PLS3: variants seen among roughly 807,000 people sequenced by gnomAD.
The protein encoded by PLS3 is plastin-3.
A neutral mutation model predicts 46.5 loss-of-function variants in PLS3; 11 were observed. The observed-to-expected ratio is 0.24, with a 90% CI of 0.15 to 0.39. The LOEUF is 0.39. PLS3 is among the 10% of genes least tolerant of loss of function. PLS3 has a pLI of 1.00. For missense variants in PLS3, 308 were observed against 461.8 expected, an observed-to-expected ratio of 0.67 and a Z score of 3.05; for synonymous variants, 167 against 162.2, an observed-to-expected ratio of 1.03 and a Z score of -0.22.
Position 115,629,945 on chromosome X carries a change from G to A in PLS3, c.478G>A (p.Val160Ile), listed in dbSNP as rs1457798192. 3.5e-5 allele frequency: 41 copies of A among 1,169,910 alleles called. No homozygotes were observed. Among genetic ancestry groups the A allele is most frequent in the Non-Finnish European group, 4.1e-5 (36 of 872,917 alleles). ...NPNTDDLFKAVGDGIVLCKMI... is the reference protein window; with the variant it reads ...NPNTDDLFKAIGDGIVLCKMI... ...TAACACCGATGACCTGTTCAAAGCTGTTGGTGATGGAATTGTGCTTTGGTA... is the reference window on the plus strand; with the variant it reads ...TAACACCGATGACCTGTTCAAAGCTATTGGTGATGGAATTGTGCTTTGGTA... Residue 160 changes from valine (V) to isoleucine (I), a missense_variant, in exon 5 of 16, where the codon GTT becomes ATT. Val to Ile is a conservative substitution (Grantham distance 29). Coordinates refer to ENST00000355899, the MANE Select transcript of PLS3 (RefSeq NM_005032.7).
intron 1 of PLS3, among the ~76,000 whole-genome samples, chrX:115,572,487 G>T (rs782144958): frequency 3.6e-5 from 4 of 111,478 alleles, no homozygotes; most frequent in Non-Finnish European, 7.5e-5. Flanking sequence ...ATAAAAGAAG[G>T]CTTATAGACC....
intron 1 of PLS3, among the ~76,000 whole-genome samples, chrX:115,601,462 A>C (rs1478934627): frequency 5.5e-5 from 1 of 18,326 alleles, no homozygotes; most frequent in Admixed American, 4.7e-4. Flanking sequence ...CAGATCTGAT[A>C]AAAAAAAAAA....
intron 2 of PLS3, among the ~76,000 whole-genome samples, chrX:115,617,708 T>G (rs1556637012): frequency 8.9e-6 from 1 of 112,024 alleles, no homozygotes; most frequent in Non-Finnish European, 1.9e-5. Flanking sequence ...CCTTTAAAAT[T>G]TTCCTGTCCC....
chrX:115,569,982 G>A (rs1028637579), intron 1 of PLS3, among the ~76,000 whole-genome samples: 2 of 111,422 alleles, frequency 1.8e-5, no homozygotes, highest in Non-Finnish European at 3.8e-5. Context: ...TGTCGCCCAG[G>A]CTGGAGTACA....
At chrX:115,608,983 C>T (rs782133628) in intron 1 of PLS3, among the ~76,000 whole-genome samples, 5 of 109,599 alleles carry the variant, frequency 4.6e-5, no homozygotes, top group African/African-American at 1.7e-4. Flanking sequence ...ACCTGTAATC[C>T]CAGCATTTTG....
intron 1 of PLS3, among the ~76,000 whole-genome samples, chrX:115,562,932 C>A (rs1231766900): frequency 9.0e-6 from 1 of 111,126 alleles, no homozygotes; most frequent in African/African-American, 3.3e-5. Context: ...ATTTGGTGCT[C>A]AGCTTTTATC....
chrX:115,580,941 G>T (rs1556631755), intron 1 of PLS3, among the ~76,000 whole-genome samples: 1 of 110,258 alleles, frequency 9.1e-6, no homozygotes, highest in Non-Finnish European at 1.9e-5. Flanking sequence ...CCACTATGTT[G>T]CCCAGGCTGG....
At chrX:115,632,541 C>T (rs1284490529) in intron 5 of PLS3, among the ~76,000 whole-genome samples, 1 of 111,315 alleles carries the variant, frequency 9.0e-6, no homozygotes, top group Non-Finnish European at 1.9e-5. Flanking sequence ...CCTAATGAGT[C>T]ACAGACTATA....
intron 2 of PLS3, among the ~76,000 whole-genome samples, chrX:115,610,642 A>T (rs181747021): frequency 9.1e-6 from 1 of 110,025 alleles, no homozygotes; most frequent in Non-Finnish European, 1.9e-5. Context: ...AGTTATTATT[A>T]TATTTTGTAT....
intron 8 of PLS3, among the ~76,000 whole-genome samples, chrX:115,638,843 G>A (rs2074865296): frequency 9.1e-6 from 1 of 109,360 alleles, no homozygotes; most frequent in Non-Finnish European, 1.9e-5. Context: ...CTCCTGAGTA[G>A]CTAGGACTAC....
intron 1 of PLS3, among the ~76,000 whole-genome samples, chrX:115,585,559 T>G (rs1399762820): frequency 9.1e-6 from 1 of 109,612 alleles, no homozygotes; most frequent in Non-Finnish European, 1.9e-5. Flanking sequence ...CCCAGCTAAT[T>G]TTTTGTATTT....
chrX:115,574,738 C>T (rs1215114718), intron 1 of PLS3, among the ~76,000 whole-genome samples: 1 of 111,464 alleles, frequency 9.0e-6, no homozygotes, highest in Non-Finnish European at 1.9e-5. Context: ...TGCCACCACA[C>T]CTGGCTAATT....
intron 1 of PLS3, among the ~76,000 whole-genome samples, chrX:115,583,311 T>C (rs1286124655): frequency 8.9e-6 from 1 of 112,560 alleles, no homozygotes; most frequent in East Asian, 2.8e-4. Flanking sequence ...TCAAAAGAAG[T>C]ATAAAGCAGG....
At chrX:115,599,890 A>G (rs1446502535) in intron 1 of PLS3, among the ~76,000 whole-genome samples, 1 of 110,720 alleles carries the variant, frequency 9.0e-6, no homozygotes, top group Non-Finnish European at 1.9e-5. Flanking sequence ...TCGGCCTCGC[A>G]AAGTGCTGAG....
Position 115,649,675 on chromosome X carries a change from C to A in PLS3, c.*114C>A. On this transcript the variant is annotated 3_prime_UTR_variant, in exon 16 of 16. Transcript: ENST00000355899. ...ACTCTTGGCCATTCAAAGGACTTTT[C>A]ATTTTGATTAACAGGACTAGCTTAT... The A allele has an allele frequency of 3.1e-6, 2 of 655,043 alleles. No homozygotes were observed. The highest frequency in any genetic ancestry group is 4.5e-6 in the Non-Finnish European group (2 of 441,751). 54.0% of individuals were successfully genotyped at this position (655,043 alleles called of 1,213,427 possible).
At chrX:115,622,095 C>T in intron 2 of PLS3, 151 bp from the exon 3 acceptor site, 1 of 453,537 alleles carries the variant, frequency 2.2e-6, no homozygotes. Context: ...TTTAAATGTC[C>T]ATTTCCCTTT....
chrX:115,636,202 TGAC>T (rs1329114154), intron 7 of PLS3, among the ~76,000 whole-genome samples: 2 of 100,537 alleles, frequency 2.0e-5, no homozygotes, highest in Admixed American at 2.2e-4. Context: ...CCCAAATCCC[TGAC>T]TTTTTTTTTT....
At position 115,646,174 on chromosome X, in the gene PLS3, C is replaced by A; in HGVS notation, c.1365C>A (p.Ala455=). Residue 455 remains alanine, a synonymous_variant, in exon 12 of 16, where the codon GCC becomes GCA. Coordinates refer to ENST00000355899, the MANE Select transcript of PLS3 (RefSeq NM_005032.7). ...VNKPPYPKLG[A]NMKKLENCNY... ...AACCTCCATACCCGAAACTGGGAGC[C>A]AACATGAAAAAGGTAGATAATTAAG... 1 of 1,117,319 alleles carries A rather than the reference C, an allele frequency of 9.0e-7. No individual in the cohort carries two copies. Among genetic ancestry groups the A allele is most frequent in the Admixed American group, 2.3e-5 (1 of 43,610 alleles). The allele number at this position is 1,117,319 out of a possible 1,213,427, so 92.1% of individuals were successfully genotyped here. A position where few individuals can be genotyped will look rare whatever the true frequency, so the allele number is the denominator to read the frequency against.
At chrX:115,582,367 G>T (rs2074284020) in intron 1 of PLS3, among the ~76,000 whole-genome samples, 1 of 112,007 alleles carries the variant, frequency 8.9e-6, no homozygotes, top group African/African-American at 3.2e-5. Context: ...GCTGTACCAG[G>T]TAACAGATTG....
Sources: allele counts gnomAD v4.1 joint callset (sites outside exome capture counted in the v4.1 genomes callset), GRCh38; gene constraint gnomAD v4.1.1; transcripts MANE v1.5; gene names NCBI Gene and HGNC (gene_info 2026-07-23, HGNC 2026-07-21).